The following ZFAT variants were observed in gnomAD, a reference collection of about 807,000 sequenced individuals.
ZFAT encodes zinc finger protein ZFAT.
Under a neutral mutation model 117.7 loss-of-function variants are expected in ZFAT, and 64 were observed. The observed-to-expected ratio is 0.54, with a 90% CI of 0.44 to 0.67. The LOEUF (loss-of-function observed/expected upper bound fraction) is 0.67, where lower values mean the gene tolerates loss of function less well. Ranked by LOEUF, ZFAT falls within the 30% of genes least tolerant of loss-of-function variation. ZFAT has a pLI of 0.00. For missense variants in ZFAT, 1,433 were observed against 1,584.5 expected, an observed-to-expected ratio of 0.90 and a Z score of 1.62; for synonymous variants, 679 against 615.0, an observed-to-expected ratio of 1.10 and a Z score of -1.54.
chr8:134,684,455 G>C (rs367834927), intron 1 of ZFAT, among the ~76,000 whole-genome samples: 2 of 152,172 alleles, frequency 1.3e-5, no homozygotes, highest in African/African-American at 4.8e-5. Flanking sequence ...CCTCAGACAC[G>C]TCAACTTGTC....
chr8:134,719,154 A>G, the ZFAT span, among the ~76,000 whole-genome samples: 2 of 152,196 alleles, frequency 1.3e-5, no homozygotes, highest in Admixed American at 6.5e-5. Flanking sequence ...TTCACTGAAC[A>G]TCCTTTTGAA....
intron 13 of ZFAT, among the ~76,000 whole-genome samples, chr8:134,513,017 G>C (rs1819970864): frequency 6.6e-6 from 1 of 152,158 alleles, no homozygotes; most frequent in Admixed American, 6.5e-5. Flanking sequence ...CAGAGGAAGG[G>C]GCACAGCCAT....
At chr8:134,565,518 C>T in intron 10 of ZFAT, 97 bp from the exon 11 acceptor site, 1 of 1,146,732 alleles carries the variant, frequency 8.7e-7, no homozygotes. Flanking sequence ...AAAGGTGTTC[C>T]TTGCCATGTG....
At chr8:134,598,421 A>C (rs1209083028) in intron 7 of ZFAT, 3 of 152,240 alleles carry the variant, frequency 2.0e-5, no homozygotes, top group African/African-American at 7.2e-5. Flanking sequence ...TAACCATAGA[A>C]AGTTGAAAAG....
At chr8:134,808,946 T>C in the ZFAT span, among the ~76,000 whole-genome samples, 1 of 152,236 alleles carries the variant, frequency 6.6e-6, no homozygotes. Flanking sequence ...ATATCCATAC[T>C]GTGAAGGATT....
At chr8:134,571,390 G>T (rs1824889124) in intron 10 of ZFAT, among the ~76,000 whole-genome samples, 1 of 152,096 alleles carries the variant, frequency 6.6e-6, no homozygotes, top group African/African-American at 2.4e-5. Context: ...AAACACAAAG[G>T]CTCTGAGTCT....
chr8:134,568,988 T>C (rs934177129), intron 10 of ZFAT, among the ~76,000 whole-genome samples: 22 of 152,206 alleles, frequency 1.4e-4, no homozygotes, highest in African/African-American at 4.6e-4. Context: ...GCACATCGAA[T>C]GGCTGTACGT....
At chr8:134,630,076 G>C (rs1278339667) in intron 3 of ZFAT, among the ~76,000 whole-genome samples, 1 of 152,188 alleles carries the variant, frequency 6.6e-6, no homozygotes, top group East Asian at 1.9e-4. Flanking sequence ...TCTGCTATCA[G>C]GTGTAACCAG....
chr8:134,545,506 T>TA (rs986791365), intron 11 of ZFAT, among the ~76,000 whole-genome samples: 2 of 151,888 alleles, frequency 1.3e-5, no homozygotes, highest in East Asian at 3.9e-4. Flanking sequence ...AGTAATAAAT[T>TA]AAAAAAATGA....
chr8:134,596,385 A>G (rs1826934117), intron 7 of ZFAT, among the ~76,000 whole-genome samples: 1 of 152,236 alleles, frequency 6.6e-6, no homozygotes, highest in East Asian at 1.9e-4. Flanking sequence ...ATTTCATGGC[A>G]GCAATAATGG....
chr8:134,620,532 GA>G (rs1563685838), intron 3 of ZFAT, among the ~76,000 whole-genome samples: 1 of 152,230 alleles, frequency 6.6e-6, no homozygotes, highest in African/African-American at 2.4e-5. Flanking sequence ...TCTGTGCTAT[GA>G]AGAGGCAATT....
At chr8:134,514,873 A>G (rs1029576350) in intron 13 of ZFAT, among the ~76,000 whole-genome samples, 3 of 152,156 alleles carry the variant, frequency 2.0e-5, no homozygotes, top group African/African-American at 7.2e-5. Flanking sequence ...GGTTTGTTAC[A>G]TAAGTATACA....
the ZFAT span, among the ~76,000 whole-genome samples, chr8:134,817,978 T>C: frequency 6.6e-6 from 1 of 152,182 alleles, no homozygotes; most frequent in Admixed American, 6.5e-5. Context: ...AGAAAAGTTT[T>C]CTATACTCAA....
rs763648740 is a variant in ZFAT at position 134,512,516 on chromosome 8, G to A, written c.3320C>T (p.Ala1107Val). 5.2e-5 allele frequency: 84 copies of A among 1,613,770 alleles called. 1 individual carries two copies. In the South Asian group the frequency reaches 6.3e-4, roughly 12 times the overall value. ...TCTCAGGTCCTGGAGCGCGGCCACC[G>A]CTGCCTGTGTCCCTTGAACGTCTTC... The part of the protein sequence containing the change: ...AEEDVQGTQA[A>V]VAALQDLRYT... The change falls in exon 14 of 16, where the codon GCG becomes GTG. Residue 1107 changes from alanine to valine, a missense_variant. Transcript: ENST00000377838.
chr8:134,706,111 T>C (rs1242710104), intron 1 of ZFAT, among the ~76,000 whole-genome samples: 1 of 152,192 alleles, frequency 6.6e-6, no homozygotes, highest in Non-Finnish European at 1.5e-5. Flanking sequence ...GGAAGTTTCT[T>C]AAAAAGATAA....
chr8:134,499,494 GTA>G (rs1188354699), intron 15 of ZFAT, among the ~76,000 whole-genome samples: 1 of 148,336 alleles, frequency 6.7e-6, no homozygotes, highest in African/African-American at 2.5e-5. Flanking sequence ...GCCTGATTTG[GTA>G]GGGTTGGCAT....
At chr8:134,650,168 G>A (rs1831153358) in intron 2 of ZFAT, among the ~76,000 whole-genome samples, 1 of 150,420 alleles carries the variant, frequency 6.6e-6, no homozygotes, top group Non-Finnish European at 1.5e-5. Context: ...TGTCACCCAG[G>A]CTGGAGTGTA....
the ZFAT span, among the ~76,000 whole-genome samples, chr8:134,764,182 C>G: frequency 1.3e-5 from 2 of 152,242 alleles, no homozygotes; most frequent in African/African-American, 4.8e-5. Flanking sequence ...ACTGGTCTCA[C>G]ATTTACCCAG....
chr8:134,771,912 A>G, the ZFAT span, among the ~76,000 whole-genome samples: 1 of 152,244 alleles, frequency 6.6e-6, no homozygotes, highest in African/African-American at 2.4e-5. Context: ...ATGTGGATGG[A>G]GGCAGGCAAA....
Sources: gnomAD v4.1 joint callset for allele counts (sites outside exome capture counted in the v4.1 genomes callset) on GRCh38, gnomAD v4.1.1 for gene constraint, MANE v1.5 for transcripts, NCBI Gene and HGNC (gene_info 2026-07-23, HGNC 2026-07-21) for gene names.